The following AGL variants were observed in gnomAD, a reference collection of about 807,000 sequenced individuals.
AGL encodes amylo-alpha-1,6-glucosidase and 4-alpha-glucanotransferase, also known as glycogen debranching enzyme.
Under a neutral mutation model 199.3 loss-of-function variants are expected in AGL, and 128 were observed. That is an observed-to-expected ratio of 0.64 (90% CI 0.56 to 0.74). The LOEUF (loss-of-function observed/expected upper bound fraction) is 0.74, where lower values mean the gene tolerates loss of function less well. Among genes scored for constraint, AGL ranks in the 30% least tolerant of loss-of-function variants. The pLI is 0.00. For synonymous variants in AGL, 584 were observed against 594.7 expected (o/e 0.98, Z 0.26); for missense variants, 1,809 against 1,820.8 (o/e 0.99, Z 0.12).
chr1:99,854,802 A>C (rs1649280704), intron 2 of AGL, among the ~76,000 whole-genome samples: 1 of 151,760 alleles, frequency 6.6e-6, no homozygotes, highest in Non-Finnish European at 1.5e-5. Context: ...GTGAAAGATG[A>C]GTGGAAGAGT....
At position 99,892,519 on chromosome 1, in the gene AGL, A is replaced by G; in HGVS notation, c.3171A>G (p.Pro1057=). Residue 1057 remains proline (P), a synonymous_variant, in exon 24 of 34, where the codon CCA becomes CCG. Transcript: ENST00000361915. ...LCGVGKFPSL[P]ILSPALMDVP... ...GAGTAGGAAAATTCCCTTCCCTGCC[A>G]ATTCTTTCACCTGCCCTAATGGATG... 6.2e-7 allele frequency: 1 copy of G among 1,613,682 alleles called. No homozygotes were observed. Among genetic ancestry groups the G allele is most frequent in the Non-Finnish European group, 8.5e-7 (1 of 1,179,726 alleles).
In AGL at chr1:99,877,972, A is replaced by G; in HGVS notation, c.1611+144A>G. On this transcript the variant is annotated intron_variant, in intron 12 of 33. Transcript: ENST00000361915. ...TGGTGGTAGTATTTATCACTATTGCATAATTAGCATAATTCTAACAATCTT... is the reference window on the plus strand; with the variant it reads ...TGGTGGTAGTATTTATCACTATTGCGTAATTAGCATAATTCTAACAATCTT... The G allele has an allele frequency of 6.6e-6, 5 of 754,994 alleles. No homozygotes were observed. In the South Asian group the frequency reaches 8.2e-5, roughly 12 times the overall value. The allele number at this position is 754,994 out of a possible 1,614,324, so 46.8% of individuals were successfully genotyped here. A position where few individuals can be genotyped will look rare whatever the true frequency, so the allele number is the denominator to read the frequency against.
intron 2 of AGL, among the ~76,000 whole-genome samples, chr1:99,853,006 C>G (rs1003254223): frequency 2.0e-5 from 3 of 152,096 alleles, no homozygotes; most frequent in African/African-American, 7.2e-5. Flanking sequence ...TTATAGTTCC[C>G]AGGGTAGAAA....
At chr1:99,860,181 T>A (rs2035958) in intron 2 of AGL, among the ~76,000 whole-genome samples, 35,723 of 151,988 alleles carry the variant, frequency 0.24, 5,042 homozygotes, top group African/African-American at 0.39. Flanking sequence ...TTTACTGAAA[T>A]CTTTTGTTCA....
At chr1:99,856,039 C>T (rs2101065746) in intron 2 of AGL, among the ~76,000 whole-genome samples, 1 of 152,258 alleles carries the variant, frequency 6.6e-6, no homozygotes, top group Non-Finnish European at 1.5e-5. Context: ...ACAAGAGAGA[C>T]ATGGCTAATG....
chr1:99,873,022 CTT>C (rs1355382747), intron 7 of AGL, among the ~76,000 whole-genome samples: 4 of 151,870 alleles, frequency 2.6e-5, no homozygotes, highest in Non-Finnish European at 5.9e-5. Flanking sequence ...TCTTTTAACT[CTT>C]GTTTATGGTG....
At chr1:99,863,118 T>G (rs1650202414) in intron 4 of AGL, among the ~76,000 whole-genome samples, 1 of 151,974 alleles carries the variant, frequency 6.6e-6, no homozygotes, top group African/African-American at 2.4e-5. Context: ...TTTTGTATTT[T>G]TAGTAGAGAC....
Position 99,921,732 on chromosome 1 carries a change from C to A in AGL, c.*81C>A. On this transcript the variant is annotated 3_prime_UTR_variant, in exon 34 of 34. Coordinates refer to ENST00000361915, the MANE Select transcript of AGL (RefSeq NM_000642.3). ...TATGTAAATGCCTTATATGCACAGG[C>A]TCAAGTTGTTTTAAAAATCTCATTT... 2 of 907,430 alleles carry A rather than the reference C, an allele frequency of 2.2e-6. No individual in the cohort carries two copies. Among genetic ancestry groups the A allele is most frequent in the Non-Finnish European group, 3.4e-6 (2 of 582,142 alleles). 56.2% of individuals were successfully genotyped at this position (907,430 alleles called of 1,614,324 possible). A position where few individuals can be genotyped will look rare whatever the true frequency, so the allele number is the denominator to read the frequency against.
intron 2 of AGL, chr1:99,852,535 A>ATTTTTTTTTT: frequency 1.7e-6 from 1 of 586,020 alleles, no homozygotes; most frequent in Non-Finnish European, 3.0e-6. Context: ...ATGCCCCGCT[A>ATTTTTTTTTT]ATTTTTTTTT....
At chr1:99,906,409 T>C (rs147281018) in intron 27 of AGL, among the ~76,000 whole-genome samples, 1 of 152,356 alleles carries the variant, frequency 6.6e-6, no homozygotes, top group African/African-American at 2.4e-5. Flanking sequence ...TAAATTTACC[T>C]TAGCCATTTT....
At chr1:99,885,007 A>T (rs1652345989) in intron 20 of AGL, among the ~76,000 whole-genome samples, 1 of 152,230 alleles carries the variant, frequency 6.6e-6, no homozygotes, top group South Asian at 2.1e-4. Flanking sequence ...ACTAAGTTGC[A>T]TACCTCATAC....
chr1:99,869,471 A>G (rs1650806346), intron 5 of AGL, among the ~76,000 whole-genome samples: 1 of 152,212 alleles, frequency 6.6e-6, no homozygotes, highest in Non-Finnish European at 1.5e-5. Flanking sequence ...CAGCAGAGCA[A>G]TGTGGTTAAG....
In AGL at chr1:99,923,676, A is replaced by G. The variant is rs1655662281; in HGVS notation, c.*2025A>G. ...TATGGTAGTTAAAATACAGAATTAG[A>G]TTTTTAACAGGTGTCATTTGACTAA... is the stretch of plus-strand genomic sequence containing the variant. On this transcript the variant is annotated 3_prime_UTR_variant, in exon 34 of 34. Coordinates refer to ENST00000361915, the MANE Select transcript of AGL (RefSeq NM_000642.3). The G allele has an allele frequency of 6.6e-6, 1 of 152,186 alleles. No homozygotes were observed. The highest frequency in any genetic ancestry group is 1.5e-5 in the Non-Finnish European group (1 of 68,030). 9.4% of individuals were successfully genotyped at this position (152,186 alleles called of 1,614,324 possible).
chr1:99,858,800 T>G (rs969726271), intron 2 of AGL, among the ~76,000 whole-genome samples: 7 of 151,992 alleles, frequency 4.6e-5, no homozygotes, highest in Non-Finnish European at 8.8e-5. Context: ...AAAGGTTTTT[T>G]CTACCCACTA....
At chr1:99,886,546 C>T (rs1176427673) in intron 20 of AGL, among the ~76,000 whole-genome samples, 1 of 152,062 alleles carries the variant, frequency 6.6e-6, no homozygotes, top group East Asian at 1.9e-4. Flanking sequence ...ACCTTTCTTA[C>T]AGATTACTTG....
chr1:99,867,802 G>A (rs1448096117), intron 5 of AGL, among the ~76,000 whole-genome samples: 1 of 152,110 alleles, frequency 6.6e-6, no homozygotes, highest in Non-Finnish European at 1.5e-5. Flanking sequence ...GCCTCCCAAA[G>A]CGTGAGCCAC....
chr1:99,902,611 G>A, intron 26 of AGL, 72 bp from the exon 27 acceptor site: 3 of 1,202,560 alleles, frequency 2.5e-6, no homozygotes, highest in Non-Finnish European at 1.2e-6. Context: ...CATTACTTCA[G>A]TTGTCGGATT....
rs1055645647 is a variant in AGL at position 99,875,173 on chromosome 1, G to A, written c.1102G>A (p.Glu368Lys). ...IPHDKGPAAIEECCNWFHKRM... is the reference protein window; with the variant it reads ...IPHDKGPAAIKECCNWFHKRM... ...CTCTAGCAAGGGGCCAGCAGCAATT[G>A]AAGAATGCTGTAATTGGTTTCATAA... Residue 368 changes from glutamate (E) to lysine (K), a missense_variant, in exon 9 of 34, where the codon GAA (glutamate) becomes AAA (lysine). Physicochemically the swap from Glu to Lys is moderately conservative, Grantham distance 56 (BLOSUM62 1). Transcript: ENST00000361915. 3.1e-6 allele frequency: 5 copies of A among 1,613,996 alleles called. No individual in the cohort carries two copies. Among genetic ancestry groups the A allele is most frequent in the Non-Finnish European group, 4.2e-6 (5 of 1,179,870 alleles).
In AGL at chr1:99,888,086, C is replaced by T. The variant is rs371426099; in HGVS notation, c.2790C>T (p.Ala930=). The change falls in exon 21 of 34, where the codon GCC becomes GCT. Residue 930 remains alanine, a synonymous_variant. Coordinates refer to ENST00000361915, the MANE Select transcript of AGL (RefSeq NM_000642.3). ...GCTATGACATACCAAACTGGTCAGCCCTTAAATATGCAGGTCTTCAAGGTA... is the reference window on the plus strand; with the variant it reads ...GCTATGACATACCAAACTGGTCAGCTCTTAAATATGCAGGTCTTCAAGGTA... ...GGCYDIPNWS[A]LKYAGLQGLM... is the part of the protein sequence containing the mutation. The T allele has an allele frequency of 1.2e-6, 2 of 1,613,038 alleles. No homozygotes were observed. Among genetic ancestry groups the T allele is most frequent in the South Asian group, 2.2e-5 (2 of 91,064 alleles).
Sources: gnomAD v4.1 joint callset for allele counts (sites outside exome capture counted in the v4.1 genomes callset) on GRCh38, gnomAD v4.1.1 for gene constraint, MANE v1.5 for transcripts, NCBI Gene and HGNC (gene_info 2026-07-23, HGNC 2026-07-21) for gene names.